NELFE: variants seen among roughly 807,000 people sequenced by gnomAD.
NELFE encodes negative elongation factor E.
A neutral mutation model predicts 55.5 loss-of-function variants in NELFE; 26 were observed. That is an observed-to-expected ratio of 0.47 (90% CI 0.34 to 0.65). The LOEUF is 0.65. Ranked by LOEUF, NELFE falls within the 30% of genes least tolerant of loss-of-function variation. NELFE has a pLI of 0.01. For missense variants in NELFE, 403 were observed against 506.9 expected, an observed-to-expected ratio of 0.80 and a Z score of 1.97; for synonymous variants, 162 against 178.0, an observed-to-expected ratio of 0.91 and a Z score of 0.72.
chr6:31,953,578 T>G (rs1771888936), intron 10 of NELFE, 151 bp downstream of exon 10: 2 of 697,834 alleles, frequency 2.9e-6, no homozygotes, highest in Middle Eastern at 3.5e-4. Context: ...TACCTCTAAC[T>G]GACAGAGGAT....
intron 2 of NELFE, 180 bp downstream of exon 2, chr6:31,958,192 G>A: frequency 1.6e-6 from 1 of 627,194 alleles, no homozygotes; most frequent in South Asian, 1.8e-5. Flanking sequence ...AAATTGCATA[G>A]AAAAGACAGA....
At chr6:31,956,470 G>A (rs1772094842) in intron 4 of NELFE, among the ~76,000 whole-genome samples, 1 of 152,098 alleles carries the variant, frequency 6.6e-6, no homozygotes, top group Non-Finnish European at 1.5e-5. Flanking sequence ...CATCCCTTAG[G>A]GCAACATATT....
rs533556559 is a variant in NELFE at position 31,958,904 on chromosome 6, C to G, written c.-21G>C. On this transcript the variant is annotated 5_prime_UTR_variant, in exon 1 of 11. Coordinates refer to ENST00000375429, the MANE Select transcript of NELFE (RefSeq NM_002904.6). The stretch of plus-strand genomic sequence containing the variant: ...CAGAGGGCCTTACCCGAGGGGGCGG[C>G]AACCGGGGGCCCCACGGTCTCCGGC... 132 of 594,292 alleles carry G rather than the reference C, an allele frequency of 2.2e-4. No homozygotes were observed. The African/African-American group carries it at 2.4e-3, about 11-fold the overall frequency. The allele number at this position is 594,292 out of a possible 1,614,324, so 36.8% of individuals were successfully genotyped here.
At chr6:31,955,642 G>A (rs1772041046) in intron 4 of NELFE, among the ~76,000 whole-genome samples, 1 of 145,570 alleles carries the variant, frequency 6.9e-6, no homozygotes, top group Non-Finnish European at 1.5e-5. Context: ...TTTTTTTGTA[G>A]AGATAGGGTT....
rs1771811223 is a variant in NELFE at position 31,952,114 on chromosome 6, G to C, written c.*187C>G. Reference sequence around the variant, plus strand: ...TGTTCCAGATCCTTTTGGGGCAAGGGAGTGGGGAACAGGCACTGGCCATGT... The same window carrying C: ...TGTTCCAGATCCTTTTGGGGCAAGGCAGTGGGGAACAGGCACTGGCCATGT... On this transcript the variant is annotated 3_prime_UTR_variant, in exon 11 of 11. Transcript: ENST00000375429. The C allele has an allele frequency of 1.3e-6, 2 of 1,582,692 alleles. No individual in the cohort carries two copies. Among genetic ancestry groups the C allele is most frequent in the South Asian group, 2.2e-5 (2 of 90,586 alleles).
At chr6:31,953,617 C>T (rs1186682349) in intron 10 of NELFE, 112 bp downstream of exon 10, 1 of 889,762 alleles carries the variant, frequency 1.1e-6, no homozygotes, top group African/African-American at 1.6e-5. Context: ...TTCCCATAGC[C>T]TCCGCACACA....
chr6:31,952,812 A>C (rs755604990), intron 10 of NELFE, among the ~76,000 whole-genome samples: 1 of 152,180 alleles, frequency 6.6e-6, no homozygotes, highest in Non-Finnish European at 1.5e-5. Context: ...TCCCAGGAAA[A>C]TCTACTTTCA....
chr6:31,956,635 C>T (rs1215125196), intron 4 of NELFE, 58 bp downstream of exon 4: 1 of 1,538,678 alleles, frequency 6.5e-7, no homozygotes, highest in Non-Finnish European at 8.8e-7. Flanking sequence ...TTCCCCAAAC[C>T]CATCTACATT....
Position 31,954,858 on chromosome 6 carries a change from C to T in NELFE, c.439G>A (p.Gly147Arg), listed in dbSNP as rs754872647. 6.4e-7 allele frequency: 1 copy of T among 1,570,692 alleles called. No individual in the cohort carries two copies. The highest frequency in any genetic ancestry group is 8.6e-7 in the Non-Finnish European group (1 of 1,161,304). ...CCCTCTGCCTCTTCTCCATCTGGTCCTAGTTCTCGAAGTCGATCACTAGAA... is the reference window on the plus strand; with the variant it reads ...CCCTCTGCCTCTTCTCCATCTGGTCTTAGTTCTCGAAGTCGATCACTAGAA... ...VSSSDRLREL[G>R]PDGEEAEGPG... Residue 147 changes from glycine to arginine, a missense_variant, in exon 7 of 11, where the codon GGA becomes AGA. Gly to Arg is a moderately radical substitution (Grantham distance 125). Transcript: ENST00000375429. This position sits in a 1 kb window ranked among gnomAD's most constrained non-coding sequence, Gnocchi z 5.5.
intron 2 of NELFE, 46 bp downstream of exon 2, chr6:31,958,326 G>A: frequency 1.3e-6 from 2 of 1,543,542 alleles, no homozygotes; most frequent in Non-Finnish European, 1.8e-6. Flanking sequence ...TTCTCAGAGT[G>A]CAGAGTCTGT....
intron 2 of NELFE, 130 bp downstream of exon 2, chr6:31,958,242 C>T: frequency 1.2e-6 from 1 of 824,110 alleles, no homozygotes; most frequent in African/African-American, 1.7e-5. Context: ...CCTCTCGAAG[C>T]TACACTGTGA....
chr6:31,956,903 C>T (rs1371989881), intron 3 of NELFE, 38 bp downstream of exon 3: 1 of 1,612,752 alleles, frequency 6.2e-7, no homozygotes, highest in Non-Finnish European at 8.5e-7. Context: ...CTCCATGCTG[C>T]CCACTTCCAG....
rs376528084 is a variant in NELFE at position 31,955,012 on chromosome 6, G to C, written c.404+47C>G. The C allele has an allele frequency of 5.6e-6, 9 of 1,613,156 alleles. No homozygotes were observed. The Admixed American group carries it at 8.3e-5, about 15-fold the overall frequency. The stretch of plus-strand genomic sequence containing the variant: ...CAGCCCAAACCTCCCAAGGACTCAG[G>C]CAATCAACTCCACCAAATGGGCCCA... On this transcript the variant is annotated intron_variant, in intron 6 of 10. Coordinates refer to ENST00000375429, the MANE Select transcript of NELFE (RefSeq NM_002904.6).
chr6:31,956,526 A>G (rs1772097555), intron 4 of NELFE, among the ~76,000 whole-genome samples, 167 bp downstream of exon 4: 1 of 152,220 alleles, frequency 6.6e-6, no homozygotes, highest in African/African-American at 2.4e-5. Context: ...GAATTTGTAA[A>G]ATGGAGAATT....
In NELFE at chr6:31,954,813, G is replaced by T; in HGVS notation, c.484C>A (p.Pro162Thr). The T allele has an allele frequency of 6.2e-7, 1 of 1,602,240 alleles. No individual in the cohort carries two copies. Residue 162 changes from proline to threonine, a missense_variant, in exon 7 of 11, where the codon CCC (proline) becomes ACC (threonine). By Grantham distance (38) the Pro-to-Thr change is conservative. Transcript: ENST00000375429. The surrounding 1 kb of genome is among the most constrained non-coding windows in gnomAD (Gnocchi z 5.5). The part of the protein sequence containing the change: ...EAEGPGAGDG[P>T]PRSFDWGYEE... The stretch of plus-strand genomic sequence containing the variant: ...TAGCCCCAGTCAAAGCTTCGAGGGG[G>T]ACCATCACCAGCCCCTGGGCCCTCT...
intron 1 of NELFE, 99 bp downstream of exon 1, chr6:31,958,793 G>A (rs1299667613): frequency 1.0e-5 from 7 of 683,518 alleles, no homozygotes; most frequent in Non-Finnish European, 1.6e-5. Flanking sequence ...CAGAGAAGGC[G>A]GTGGAGCCAG....
At position 31,958,417 on chromosome 6, in the gene NELFE, C is replaced by T. The variant is rs1772228735; in HGVS notation, c.30G>A (p.Glu10=). Residue 10 remains glutamate, a synonymous_variant, in exon 2 of 11, where the codon GAG becomes GAA. Coordinates refer to ENST00000375429, the MANE Select transcript of NELFE (RefSeq NM_002904.6). ...ATTTCTTCTGCAGAGCCTCCTCTTC[C>T]TCGCTCAGTCCGGGGGGTATCACCA... MLVIPPGLS[E]EEEALQKKFN... The T allele has an allele frequency of 6.2e-7, 1 of 1,613,120 alleles. No homozygotes were observed. The highest frequency in any genetic ancestry group is 8.5e-7 in the Non-Finnish European group (1 of 1,180,042).
rs1156666478 is a variant in NELFE at position 31,954,580 on chromosome 6, G to GTCTCGATCCCGC, written c.705_716dup (p.Glu235_Arg238dup). Reference sequence around the variant, plus strand: ...TGCGGAAAGGACCCTCTCGGTCTCGGTCTCGATCCCGCTCCCGATCCCTGT... The same window carrying GTCTCGATCCCGC: ...TGCGGAAAGGACCCTCTCGGTCTCGGTCTCGATCCCGCTCTCGATCCCGCTCCCGATCCCTGT... On this transcript the variant is annotated inframe_insertion, in exon 7 of 11. Transcript: ENST00000375429. The surrounding 1 kb of genome is among the most constrained non-coding windows in gnomAD (Gnocchi z 5.5). 6.2e-7 allele frequency: 1 copy of GTCTCGATCCCGC among 1,604,406 alleles called. No individual in the cohort carries two copies. The highest frequency in any genetic ancestry group is 2.2e-5 in the East Asian group (1 of 44,854).
rs900065084 is a variant in NELFE, at chr6:31,956,937, T to G, written c.145+4A>C. The G allele has an allele frequency of 1.2e-6, 2 of 1,611,482 alleles. No individual in the cohort carries two copies. The highest frequency in any genetic ancestry group is 1.7e-6 in the Non-Finnish European group (2 of 1,178,778). On this transcript the variant is annotated splice_donor_region_variant and intron_variant, in intron 3 of 10. Coordinates refer to ENST00000375429, the MANE Select transcript of NELFE (RefSeq NM_002904.6). ...AGTCCATCCCCATTTCCCCTGTCACTCACAGCGTTTGACACCACCTTGGCT... is the reference window on the plus strand; with the variant it reads ...AGTCCATCCCCATTTCCCCTGTCACGCACAGCGTTTGACACCACCTTGGCT...
Sources: gnomAD v4.1 joint callset for allele counts (sites outside exome capture counted in the v4.1 genomes callset) on GRCh38, gnomAD v4.1.1 for gene constraint, Gnocchi (gnomAD v3.1) non-coding constraint, MANE v1.5 for transcripts, NCBI Gene and HGNC (gene_info 2026-07-23, HGNC 2026-07-21) for gene names.